MARS1: variants seen among roughly 807,000 people sequenced by gnomAD.
MARS1 encodes methionyl-tRNA synthetase 1, also known as methionine--tRNA ligase, cytoplasmic.
A neutral mutation model predicts 119.5 loss-of-function variants in MARS1; 80 were observed. The ratio of observed to expected loss-of-function variants is 0.67; its 90% CI spans 0.56 to 0.81. MARS1 has a LOEUF of 0.81. MARS1 is among the 30% of genes least tolerant of loss of function. MARS1 has a pLI of 0.00. For synonymous variants in MARS1, 418 were observed against 433.4 expected (o/e 0.96, Z 0.44); for missense variants, 945 against 1,116.5 (o/e 0.85, Z 2.19).
intron 9 of MARS1, chr12:57,500,036 G>A (rs565569839): frequency 2.5e-5 from 10 of 405,076 alleles, no homozygotes; most frequent in Non-Finnish European, 4.7e-5. Context: ...TATCCTATTG[G>A]AGATTTTTGT....
chr12:57,488,241 G>T (rs879203522), intron 1 of MARS1, 42 bp downstream of exon 1: 1 of 1,563,558 alleles, frequency 6.4e-7, no homozygotes, highest in Non-Finnish European at 8.8e-7. Context: ...GGGGGGGCGG[G>T]ACCGAAACAC....
At chr12:57,508,413 C>T (rs1025410577) in intron 11 of MARS1, among the ~76,000 whole-genome samples, 2 of 152,274 alleles carry the variant, frequency 1.3e-5, no homozygotes, top group African/African-American at 4.8e-5. Flanking sequence ...AATCCCGGCA[C>T]CTCGGGAGGC....
In MARS1 at chr12:57,488,068, A is replaced by G. The variant is rs766219279; in HGVS notation, c.-23A>G. 6.2e-7 allele frequency: 1 copy of G among 1,607,412 alleles called. No homozygotes were observed. Among genetic ancestry groups the G allele is most frequent in the African/African-American group, 1.3e-5 (1 of 74,800 alleles). ...GAAGCGGGAGGCCGGTTCCGGTTGCATCAGCGAGGGATTCACGGCGAAATG... is the reference window on the plus strand; with the variant it reads ...GAAGCGGGAGGCCGGTTCCGGTTGCGTCAGCGAGGGATTCACGGCGAAATG... On this transcript the variant is annotated 5_prime_UTR_variant, in exon 1 of 21. Transcript: ENST00000262027.
In MARS1 at chr12:57,516,225, A is replaced by G. The variant is rs763191647; in HGVS notation, c.2464-20A>G. ...TAGGGGATATTTATGGTTGCTGGTG[A>G]TAACTTTGTTGTTCTCCAGGCAAAA... On this transcript the variant is annotated intron_variant, in intron 19 of 20. Coordinates refer to ENST00000262027, the MANE Select transcript of MARS1 (RefSeq NM_004990.4). The G allele has an allele frequency of 3.7e-6, 6 of 1,610,116 alleles. No individual in the cohort carries two copies. The highest frequency in any genetic ancestry group is 5.1e-6 in the Non-Finnish European group (6 of 1,176,306).
rs1876141748 is a variant in MARS1, at chr12:57,493,432, AATATATT to A, written c.770+2790_770+2796del. ...ATATAATATATTATATGATATGTATAATATATTACATAATATATAATATATTATAATA... is the reference window on the plus strand; with the variant it reads ...ATATAATATATTATATGATATGTATAACATAATATATAATATATTATAATA... On this transcript the variant is annotated intron_variant, in intron 7 of 20. Coordinates refer to ENST00000262027, the MANE Select transcript of MARS1 (RefSeq NM_004990.4). Among the ~76,000 whole-genome samples, 5 of 4,080 alleles carry A rather than the reference AATATATT, an allele frequency of 1.2e-3. 1 individual carries two copies. The highest frequency in any genetic ancestry group is 9.8e-3 in the Admixed American group (1 of 102). The allele number at this position is 4,080 out of a possible 152,430, so 2.7% of individuals were successfully genotyped here.
intron 9 of MARS1, among the ~76,000 whole-genome samples, chr12:57,499,654 A>T (rs1385756640): frequency 1.3e-5 from 2 of 151,714 alleles, no homozygotes; most frequent in Non-Finnish European, 2.9e-5. Flanking sequence ...TAATCTCAGC[A>T]CTTTGAGAGG....
At position 57,499,617 on chromosome 12, in the gene MARS1, A is replaced by G. The variant is rs1262876472; in HGVS notation, c.1092-704A>G. Among the ~76,000 whole-genome samples the G allele has an allele frequency of 2.8e-5, 3 of 106,174 alleles. No individual in the cohort carries two copies. In the East Asian group the frequency reaches 9.7e-4, roughly 34 times the overall value. The allele number at this position is 106,174 out of a possible 152,430, so 69.7% of individuals were successfully genotyped here. ...AGACTGTCTCAAAAAAAAAAAAAAA[A>G]GGGCTGGGCGCAGTGGCTCACGCCT... On this transcript the variant is annotated intron_variant, in intron 9 of 20. Transcript: ENST00000262027.
At chr12:57,507,909 C>T (rs1410748638) in intron 11 of MARS1, among the ~76,000 whole-genome samples, 1 of 145,888 alleles carries the variant, frequency 6.9e-6, no homozygotes, top group African/African-American at 2.6e-5. Flanking sequence ...TCAGACGGGG[C>T]GGCTGCCGGG....
At position 57,498,637 on chromosome 12, in the gene MARS1, A is replaced by G. The variant is rs761879553; in HGVS notation, c.1091+14A>G. The G allele has an allele frequency of 5.0e-6, 8 of 1,611,594 alleles. No individual in the cohort carries two copies. The East Asian group carries it at 1.6e-4, about 31-fold the overall frequency. On this transcript the variant is annotated intron_variant, in intron 9 of 20. Coordinates refer to ENST00000262027, the MANE Select transcript of MARS1 (RefSeq NM_004990.4). ...ACAGCAGACCAAGTAAGTTTCCTCT[A>G]ATGAGGCAGAAATGGGGCTTGAAGG...
At chr12:57,508,740 C>G (rs1877368719) in intron 11 of MARS1, among the ~76,000 whole-genome samples, 1 of 47,516 alleles carries the variant, frequency 2.1e-5, no homozygotes, top group Admixed American at 2.2e-4. Context: ...TTTTGTATTT[C>G]TAATAGAGAT....
chr12:57,495,306 T>C (rs553004971), intron 7 of MARS1, among the ~76,000 whole-genome samples: 2 of 147,776 alleles, frequency 1.4e-5, no homozygotes, highest in Admixed American at 6.7e-5. Context: ...GCGGACACGC[T>C]CCTCACCTCC....
At chr12:57,488,415 C>T in intron 1 of MARS1, 9 of 766,814 alleles carry the variant, frequency 1.2e-5, no homozygotes, top group Non-Finnish European at 1.9e-5. Context: ...CCTTATCTCT[C>T]TCCTCCCCTC....
At chr12:57,504,960 T>A (rs567504114) in intron 11 of MARS1, among the ~76,000 whole-genome samples, 2 of 151,916 alleles carry the variant, frequency 1.3e-5, no homozygotes, top group East Asian at 3.9e-4. Flanking sequence ...TGGCTCAGCC[T>A]CCCAAAGTGC....
chr12:57,515,908 CTTTT>C lies in MARS1; in HGVS notation c.2392-8_2392-5del. The C allele has an allele frequency of 6.2e-7, 1 of 1,610,466 alleles. No homozygotes were observed. ...CCAATCAGTAGATGATTCTGGAACT[CTTTT>C]TTTACAGGTCAGTCCCTTGTTCCAA... On this transcript the variant is annotated splice_polypyrimidine_tract_variant and splice_region_variant and intron_variant, in intron 18 of 20. Coordinates refer to ENST00000262027, the MANE Select transcript of MARS1 (RefSeq NM_004990.4).
chr12:57,491,336 A>T lies in MARS1; in HGVS notation c.770+692A>T, dbSNP rs918903288. ...CAACATATCCAAAACCAAACCTGTT[A>T]CCTTTCCTGCTAAATGCCCTTTTAT... On this transcript the variant is annotated intron_variant, in intron 7 of 20. Transcript: ENST00000262027. Among the ~76,000 whole-genome samples, 3 of 152,132 alleles carry T rather than the reference A, an allele frequency of 2.0e-5. No homozygotes were observed. The East Asian group carries it at 5.8e-4, about 29-fold the overall frequency.
Position 57,498,544 on chromosome 12 carries a change from A to C in MARS1, c.1012A>C (p.Ile338Leu), listed in dbSNP as rs376268814. 4.3e-6 allele frequency: 7 copies of C among 1,614,100 alleles called. No homozygotes were observed. The change falls in exon 9 of 21, where the codon ATC (isoleucine) becomes CTC (leucine). Residue 338 changes from isoleucine to leucine, a missense_variant. Coordinates refer to ENST00000262027, the MANE Select transcript of MARS1 (RefSeq NM_004990.4). Reference sequence around the variant, plus strand: ...CCAGGAGATCTGCGACAAGTACCACATCATCCATGCTGACATCTACCGCTG... The same window carrying C: ...CCAGGAGATCTGCGACAAGTACCACCTCATCCATGCTGACATCTACCGCTG... ...TPQEICDKYH[I>L]IHADIYRWFN...
chr12:57,492,660 G>T (rs1425145345), intron 7 of MARS1, among the ~76,000 whole-genome samples: 1 of 144,676 alleles, frequency 6.9e-6, no homozygotes, highest in Admixed American at 7.0e-5. Context: ...AACAGAGCGC[G>T]ACTCCATTTC....
At chr12:57,514,660 G>A in intron 15 of MARS1, 60 bp from the exon 16 acceptor site, 1 of 1,601,594 alleles carries the variant, frequency 6.2e-7, no homozygotes, top group Non-Finnish European at 8.5e-7. Context: ...ATTCTAACAA[G>A]GAGACGGGAT....
At chr12:57,511,964 C>T in intron 12 of MARS1, 44 bp from the exon 13 acceptor site, 16 of 1,607,172 alleles carry the variant, frequency 1.0e-5, no homozygotes, top group South Asian at 2.2e-5. Context: ...CAGTTTGAGA[C>T]TTTGGATTGG....
Sources: gnomAD v4.1 joint callset for allele counts (sites outside exome capture counted in the v4.1 genomes callset) on GRCh38, gnomAD v4.1.1 for gene constraint, MANE v1.5 for transcripts, NCBI Gene and HGNC (gene_info 2026-07-23, HGNC 2026-07-21) for gene names.